Variants in FSTL5 observed in about 807,000 individuals in gnomAD.
FSTL5 encodes follistatin-related protein 5.
A neutral mutation model predicts 89.1 loss-of-function variants in FSTL5; 62 were observed. The ratio of observed to expected loss-of-function variants is 0.70; its 90% CI spans 0.57 to 0.86. The LOEUF is 0.86. Among genes scored for constraint, FSTL5 ranks in the 40% least tolerant of loss-of-function variants. FSTL5 has a pLI of 0.00. For missense variants in FSTL5, 1,057 were observed against 1,001.6 expected (o/e 1.06, Z -0.75); for synonymous variants, 383 against 346.2 (o/e 1.11, Z -1.18).
chr4:161,839,663 A>C (rs779492147), intron 4 of FSTL5, among the ~76,000 whole-genome samples: 1 of 152,206 alleles, frequency 6.6e-6, no homozygotes, highest in African/African-American at 2.4e-5. Context: ...AACATAATCT[A>C]TTTTAAGTGG....
chr4:161,875,048 GA>G, intron 4 of FSTL5, among the ~76,000 whole-genome samples: 1 of 152,146 alleles, frequency 6.6e-6, no homozygotes, highest in East Asian at 1.9e-4. Context: ...TTGAATATAT[GA>G]AAAGTATACT....
At chr4:162,001,312 C>G (rs1438081864) in intron 3 of FSTL5, among the ~76,000 whole-genome samples, 1 of 151,170 alleles carries the variant, frequency 6.6e-6, no homozygotes, top group African/African-American at 2.5e-5. Flanking sequence ...ATCTGTCTAT[C>G]TATCCTCCTA....
intron 3 of FSTL5, among the ~76,000 whole-genome samples, chr4:161,988,886 A>AT (rs1295061295): frequency 6.6e-6 from 1 of 152,180 alleles, no homozygotes; most frequent in African/African-American, 2.4e-5. Context: ...AGAAGTGCAT[A>AT]TATCAAGTAG....
At chr4:161,677,476 GA>G (rs1407776743) in intron 6 of FSTL5, among the ~76,000 whole-genome samples, 9 of 151,824 alleles carry the variant, frequency 5.9e-5, no homozygotes, top group African/African-American at 2.2e-4. Flanking sequence ...AACAAGTATT[GA>G]ATGTCTGCCT....
At position 161,629,477 on chromosome 4, in the gene FSTL5, G is replaced by T. The variant is rs376227472; in HGVS notation, c.894+26851C>A. The stretch of plus-strand genomic sequence containing the variant: ...CCTGTCTCAGCCTCCCTGGTAGCTG[G>T]GATTACAGGTGCCTGCCACCACACC... On this transcript the variant is annotated intron_variant, in intron 7 of 15. Transcript: ENST00000306100. Among the ~76,000 whole-genome samples, 90 of 151,960 alleles carry T rather than the reference G, an allele frequency of 5.9e-4. 1 individual carries two copies. Among genetic ancestry groups the T allele is most frequent in the Non-Finnish European group, 6.9e-4 (47 of 67,944 alleles).
chr4:162,020,764 A>G (rs567761562), intron 3 of FSTL5, among the ~76,000 whole-genome samples: 1 of 152,080 alleles, frequency 6.6e-6, no homozygotes, highest in Non-Finnish European at 1.5e-5. Flanking sequence ...AAAGTTACTT[A>G]TTATTTAATT....
chr4:161,405,383 G>GT (rs1731339463), intron 15 of FSTL5, among the ~76,000 whole-genome samples: 1 of 151,896 alleles, frequency 6.6e-6, no homozygotes. Flanking sequence ...ACAAAAATGA[G>GT]TAAAACAAAA....
intron 3 of FSTL5, among the ~76,000 whole-genome samples, chr4:161,952,873 T>A (rs1270302368): frequency 6.6e-6 from 1 of 151,790 alleles, no homozygotes; most frequent in Non-Finnish European, 1.5e-5. Flanking sequence ...AGAAATATCA[T>A]TTTATTCTTA....
chr4:161,446,795 C>A lies in FSTL5; in HGVS notation c.1841+8209G>T, dbSNP rs576222202. Among the ~76,000 whole-genome samples, 9 of 152,078 alleles carry A rather than the reference C, an allele frequency of 5.9e-5. 1 individual carries two copies. In the East Asian group the frequency reaches 1.4e-3, roughly 23 times the overall value. On this transcript the variant is annotated intron_variant, in intron 15 of 15. Transcript: ENST00000306100. The stretch of plus-strand genomic sequence containing the variant: ...GTGTATTCATTACATCGTATCTTAA[C>A]TTCTGACATATTTCTTCATGCATTT...
At chr4:161,910,668 T>C (rs138433723) in intron 4 of FSTL5, among the ~76,000 whole-genome samples, 2 of 152,130 alleles carry the variant, frequency 1.3e-5, no homozygotes, top group African/African-American at 2.4e-5. Context: ...GTCATCTTAA[T>C]TGAAATTACC....
At chr4:161,627,644 T>C (rs904055899) in intron 7 of FSTL5, among the ~76,000 whole-genome samples, 1 of 152,166 alleles carries the variant, frequency 6.6e-6, no homozygotes, top group African/African-American at 2.4e-5. Flanking sequence ...TACAGAATAT[T>C]AACTTTTAAT....
chr4:161,933,320 T>C (rs1020183763), intron 3 of FSTL5, among the ~76,000 whole-genome samples: 1 of 152,084 alleles, frequency 6.6e-6, no homozygotes, highest in African/African-American at 2.4e-5. Flanking sequence ...GTTTCTTTCC[T>C]CTGCCCACCT....
intron 3 of FSTL5, among the ~76,000 whole-genome samples, chr4:161,997,529 A>G (rs1287609840): frequency 6.6e-6 from 1 of 152,140 alleles, no homozygotes; most frequent in African/African-American, 2.4e-5. Context: ...CAAATCAAAT[A>G]CACCTTACTA....
chr4:161,412,884 G>T (rs1220037424), intron 15 of FSTL5, among the ~76,000 whole-genome samples: 1 of 152,100 alleles, frequency 6.6e-6, no homozygotes, highest in Non-Finnish European at 1.5e-5. Context: ...ATTGAAGCTG[G>T]ATCCCTAACT....
chr4:161,641,431 G>C (rs1011829760), intron 7 of FSTL5, among the ~76,000 whole-genome samples: 1 of 108,834 alleles, frequency 9.2e-6, no homozygotes, highest in Non-Finnish European at 1.9e-5. Context: ...AGGGTAGGTG[G>C]AGCTGTTAAA....
At chr4:162,031,460 A>C (rs533132373) in intron 3 of FSTL5, among the ~76,000 whole-genome samples, 18 of 152,298 alleles carry the variant, frequency 1.2e-4, no homozygotes, top group African/African-American at 3.8e-4. Flanking sequence ...TTCATGGTTG[A>C]AAATGGGTTT....
In FSTL5 at chr4:162,150,547, T is replaced by C. The variant is rs145104243; in HGVS notation, c.-17+13068A>G. ...TCTTTTAAGTTAATGTTCAAAGACA[T>C]AAAGAAATGTTACAACAGAAGAATT... On this transcript the variant is annotated intron_variant, in intron 1 of 15. Coordinates refer to ENST00000306100, the MANE Select transcript of FSTL5 (RefSeq NM_020116.5). 3.3e-4 allele frequency among the ~76,000 whole-genome samples: 50 copies of C among 152,182 alleles called. No homozygotes were observed. In the East Asian group the frequency reaches 7.9e-3, roughly 24 times the overall value.
chr4:161,784,665 C>T (rs1232203928), intron 4 of FSTL5, among the ~76,000 whole-genome samples: 7 of 151,814 alleles, frequency 4.6e-5, no homozygotes, highest in Non-Finnish European at 8.8e-5. Flanking sequence ...AAGGCGGAGG[C>T]GGGTGGATCA....
chr4:161,579,334 A>G (rs1474752885), intron 8 of FSTL5, among the ~76,000 whole-genome samples: 1 of 152,206 alleles, frequency 6.6e-6, no homozygotes, highest in Non-Finnish European at 1.5e-5. Context: ...AAAAAAAGAT[A>G]TAACTAATAA....
Sources: gnomAD v4.1 joint callset for allele counts (sites outside exome capture counted in the v4.1 genomes callset) on GRCh38, gnomAD v4.1.1 for gene constraint, MANE v1.5 for transcripts, NCBI Gene and HGNC (gene_info 2026-07-23, HGNC 2026-07-21) for gene names.